RIPOR2: variants seen among roughly 807,000 people sequenced by gnomAD.
The protein encoded by RIPOR2 is rho family-interacting cell polarization regulator 2.
In RIPOR2, 39 loss-of-function variants were observed where a neutral mutation model predicts 114.5. The ratio of observed to expected loss-of-function variants is 0.34; its 90% CI spans 0.26 to 0.44. The LOEUF (loss-of-function observed/expected upper bound fraction) is 0.44, where lower values mean the gene tolerates loss of function less well. Among genes scored for constraint, RIPOR2 ranks in the 20% least tolerant of loss-of-function variants. The pLI, the probability that RIPOR2 is intolerant of heterozygous loss-of-function variation, is 1.00. For missense variants in RIPOR2, 1,007 were observed against 1,255.1 expected (o/e 0.80, Z 2.99); for synonymous variants, 445 against 484.4 (o/e 0.92, Z 1.07).
intron 1 of RIPOR2, among the ~76,000 whole-genome samples, chr6:24,889,189 G>T (rs1002547098): frequency 6.6e-6 from 1 of 152,174 alleles, no homozygotes; most frequent in African/African-American, 2.4e-5. Context: ...TGCTTTCTCT[G>T]CTGTGGCCTC....
At chr6:25,010,871 G>A (rs1458750757) in intron 1 of RIPOR2, among the ~76,000 whole-genome samples, 2 of 152,160 alleles carry the variant, frequency 1.3e-5, no homozygotes, top group East Asian at 3.9e-4. Flanking sequence ...AGGTTATAGG[G>A]GAAGACACCA....
At chr6:24,997,841 C>G (rs1018243232) in intron 1 of RIPOR2, among the ~76,000 whole-genome samples, 2 of 152,196 alleles carry the variant, frequency 1.3e-5, no homozygotes, top group Non-Finnish European at 2.9e-5. Context: ...TGAGCAGCAT[C>G]AGCATCATCT....
intron 12 of RIPOR2, 114 bp downstream of exon 12, chr6:24,847,911 C>T (rs897901436): frequency 2.5e-5 from 35 of 1,400,076 alleles, no homozygotes; most frequent in Non-Finnish European, 3.4e-5. Flanking sequence ...AGGAGGCTCA[C>T]CACCTCTGAT....
chr6:24,873,646 A>G lies in RIPOR2; in HGVS notation c.342T>C (p.Leu114=). ...EEVYRALKNG[L]DEYLEVHQTE... is the part of the protein sequence containing the mutation. ...CATTATCAGGTTCAAGTTCTTACTC[A>G]AGTCCATTTTTCAAGGCCCTGTAGA... Residue 114 remains leucine, a splice_region_variant and synonymous_variant, in exon 3 of 22, where the codon CTT becomes CTC. Transcript: ENST00000643898. 6.2e-7 allele frequency: 1 copy of G among 1,611,796 alleles called. No homozygotes were observed. The highest frequency in any genetic ancestry group is 1.1e-5 in the South Asian group (1 of 90,550).
Position 24,850,681 on chromosome 6 carries a change from G to C in RIPOR2, c.801C>G (p.Gly267=), listed in dbSNP as rs1762797248. The C allele has an allele frequency of 1.2e-6, 2 of 1,613,632 alleles. No individual in the cohort carries two copies. Among genetic ancestry groups the C allele is most frequent in the African/African-American group, 1.3e-5 (1 of 74,840 alleles). Residue 267 remains glycine, a synonymous_variant, in exon 10 of 22, where the codon GGC becomes GGG. Transcript: ENST00000643898. ...TCTGCTTGCCATTTACTTCTATTTTGCCTTTCAGTTTCCACCGCTGCCGGC... is the reference window on the plus strand; with the variant it reads ...TCTGCTTGCCATTTACTTCTATTTTCCCTTTCAGTTTCCACCGCTGCCGGC... ...KYGRQRWKLK[G]KIEVNGKQSW...
In RIPOR2 at chr6:24,877,285, C is replaced by G. The variant is rs533686177; in HGVS notation, c.62-1468G>C. 1.9e-5 allele frequency: 19 copies of G among 985,416 alleles called. No homozygotes were observed. In the South Asian group the frequency reaches 7.0e-4, roughly 37 times the overall value. The allele number at this position is 985,416 out of a possible 1,614,324, so 61.0% of individuals were successfully genotyped here. ...ACAAACAGCCTCCTCCCCCATGTTG[C>G]TGCAGGTTTTTAAATCCCCTCCCTC... is the stretch of plus-strand genomic sequence containing the variant. On this transcript the variant is annotated intron_variant, in intron 1 of 21. Transcript: ENST00000643898.
chr6:24,952,124 T>G (rs1192903460), intron 1 of RIPOR2, among the ~76,000 whole-genome samples: 1 of 152,166 alleles, frequency 6.6e-6, no homozygotes, highest in Non-Finnish European at 1.5e-5. Context: ...GCACAATGTG[T>G]AAGAACACAA....
chr6:24,931,439 C>T (rs572198611), intron 1 of RIPOR2, among the ~76,000 whole-genome samples: 3 of 152,242 alleles, frequency 2.0e-5, no homozygotes, highest in African/African-American at 7.2e-5. Context: ...TTTTTCCAAC[C>T]AGCTGTTAGT....
At chr6:24,924,567 T>C (rs1355501670) in intron 1 of RIPOR2, among the ~76,000 whole-genome samples, 2 of 152,168 alleles carry the variant, frequency 1.3e-5, no homozygotes, top group African/African-American at 2.4e-5. Context: ...CATTCTGTCT[T>C]AGCCACCAAT....
chr6:24,941,208 C>T (rs419288), intron 1 of RIPOR2, among the ~76,000 whole-genome samples: 27,428 of 151,936 alleles, frequency 0.18, 2,750 homozygotes, highest in East Asian at 0.33. Flanking sequence ...AAGACAATGA[C>T]GGTAATTGCC....
chr6:24,981,124 G>A (rs1045564066), intron 1 of RIPOR2, among the ~76,000 whole-genome samples: 2 of 152,102 alleles, frequency 1.3e-5, no homozygotes, highest in Non-Finnish European at 2.9e-5. Flanking sequence ...AAAACCAACA[G>A]GGTTATAAAG....
chr6:24,864,787 C>T (rs1764416341), intron 7 of RIPOR2, among the ~76,000 whole-genome samples: 1 of 152,012 alleles, frequency 6.6e-6, no homozygotes, highest in Non-Finnish European at 1.5e-5. Context: ...TTAAAAAAAA[C>T]ATTGTAGGCA....
At chr6:24,998,407 C>T (rs1251506055) in intron 1 of RIPOR2, among the ~76,000 whole-genome samples, 1 of 152,138 alleles carries the variant, frequency 6.6e-6, no homozygotes, top group Non-Finnish European at 1.5e-5. Flanking sequence ...TTTTATATTG[C>T]AAACCATTTT....
chr6:24,927,209 C>CCAT (rs1330884555), intron 1 of RIPOR2, among the ~76,000 whole-genome samples: 48 of 4,574 alleles, frequency 0.01, 20 homozygotes, highest in Admixed American at 0.034. Context: ...ACAAGCACCA[C>CCAT]CACCACCACT....
intron 12 of RIPOR2, among the ~76,000 whole-genome samples, chr6:24,845,835 G>C (rs1337493355): frequency 1.3e-5 from 2 of 152,154 alleles, no homozygotes; most frequent in Admixed American, 1.3e-4. Flanking sequence ...GTAGGGGGCA[G>C]GCACCGGAGG....
intron 1 of RIPOR2, among the ~76,000 whole-genome samples, chr6:25,030,696 GTTGT>G (rs1211207881): frequency 2.6e-5 from 4 of 151,936 alleles, no homozygotes; most frequent in Non-Finnish European, 4.4e-5. Flanking sequence ...TTTCGTTGTT[GTTGT>G]TTGTTTGTTT....
rs10564019 is a variant in RIPOR2 at position 25,022,532 on chromosome 6, A to ATTTTT, written c.76+19314_76+19318dup. On this transcript the variant is annotated intron_variant, in intron 1 of 13. Coordinates refer to the RIPOR2 transcript ENST00000510784. ...ACATATAACTAATGTGGTACCTTCCATTTTTTTTTTTTTTTTTTTTTTTTT... is the reference window on the plus strand; with the variant it reads ...ACATATAACTAATGTGGTACCTTCCATTTTTTTTTTTTTTTTTTTTTTTTTTTTTT... Among the ~76,000 whole-genome samples the ATTTTT allele has an allele frequency of 6.6e-4, 27 of 40,984 alleles. 3 individuals are homozygous for ATTTTT. The highest frequency in any genetic ancestry group is 1.6e-3 in the African/African-American group (21 of 12,764). The allele number at this position is 40,984 out of a possible 152,430, so 26.9% of individuals were successfully genotyped here.
intron 1 of RIPOR2, among the ~76,000 whole-genome samples, chr6:25,033,268 T>G (rs1185972345): frequency 6.6e-6 from 1 of 152,248 alleles, no homozygotes; most frequent in Non-Finnish European, 1.5e-5. Flanking sequence ...AAATGGATAT[T>G]TAACTTAATG....
intron 1 of RIPOR2, among the ~76,000 whole-genome samples, chr6:24,876,730 C>T (rs1470683118): frequency 6.6e-6 from 1 of 152,088 alleles, no homozygotes; most frequent in African/African-American, 2.4e-5. Flanking sequence ...AACACAAGGG[C>T]GGTCGGGGGG....
Sources: gnomAD v4.1 joint callset for allele counts (sites outside exome capture counted in the v4.1 genomes callset) on GRCh38, gnomAD v4.1.1 for gene constraint, MANE v1.5 for transcripts, NCBI Gene and HGNC (gene_info 2026-07-23, HGNC 2026-07-21) for gene names.